The following CDH23 variants were observed in gnomAD, a reference collection of about 807,000 sequenced individuals.
The protein encoded by CDH23 is cadherin related 23.
A neutral mutation model predicts 317.1 loss-of-function variants in CDH23; 189 were observed. The ratio of observed to expected loss-of-function variants is 0.60; its 90% CI spans 0.53 to 0.67. CDH23 has a LOEUF of 0.67. CDH23 is among the 30% of genes least tolerant of loss of function. CDH23 has a pLI of 0.00. For missense variants in CDH23, 4,401 were observed against 4,592.4 expected, an observed-to-expected ratio of 0.96 and a Z score of 1.20; for synonymous variants, 1,839 against 1,876.8, an observed-to-expected ratio of 0.98 and a Z score of 0.52.
In CDH23 at chr10:71,490,781, A is replaced by G. The variant is rs555724259; in HGVS notation, c.146-19301A>G. Among the ~76,000 whole-genome samples, 232 of 152,350 alleles carry G rather than the reference A, an allele frequency of 1.5e-3. 1 individual carries two copies. The highest frequency in any genetic ancestry group is 5.5e-3 in the African/African-American group (228 of 41,582). On this transcript the variant is annotated intron_variant, in intron 3 of 69. Transcript: ENST00000224721. The stretch of plus-strand genomic sequence containing the variant: ...TTTACATGTATTAATTCTCACAACA[A>G]GCTTGTGTAGTAGATACTGTTATTA...
chr10:71,727,780 G>A (rs577491424), intron 30 of CDH23, among the ~76,000 whole-genome samples: 1 of 152,286 alleles, frequency 6.6e-6, no homozygotes, highest in East Asian at 1.9e-4. Flanking sequence ...GCACAGCACT[G>A]GACAGGCACA....
intron 6 of CDH23, among the ~76,000 whole-genome samples, chr10:71,521,922 G>A (rs904955049): frequency 3.3e-5 from 5 of 152,116 alleles, no homozygotes; most frequent in Admixed American, 6.5e-5. Flanking sequence ...AGACAGGGGC[G>A]GTCGCCTGCC....
chr10:71,491,245 C>T (rs1852641648), intron 3 of CDH23, among the ~76,000 whole-genome samples: 1 of 152,206 alleles, frequency 6.6e-6, no homozygotes, highest in African/African-American at 2.4e-5. Flanking sequence ...ACTTTGATTA[C>T]TTTGCAGTGT....
chr10:71,414,637 TG>T (rs1848464063), intron 1 of CDH23, among the ~76,000 whole-genome samples: 1 of 77,858 alleles, frequency 1.3e-5, no homozygotes, highest in Non-Finnish European at 2.5e-5. Context: ...TTTTTTCATC[TG>T]TGTTCATGTG....
intron 14 of CDH23, among the ~76,000 whole-genome samples, chr10:71,649,855 C>A (rs34676190): frequency 0.22 from 33,413 of 152,188 alleles, 3,948 homozygotes; most frequent in Non-Finnish European, 0.27. Context: ...CGCTGTTATT[C>A]TCACTTTACA....
Position 71,570,837 on chromosome 10 carries a change from C to T in CDH23, c.672C>T (p.Ile224=). ...TGTCCACCCTGGCCAACTTGGCCATCATCATCACAGATGTCCAGGACATGG... is the reference window on the plus strand; with the variant it reads ...TGTCCACCCTGGCCAACTTGGCCATTATCATCACAGATGTCCAGGACATGG... The part of the protein sequence containing the change: ...RPLSTLANLA[I]IITDVQDMDP... Residue 224 remains isoleucine, a synonymous_variant, in exon 8 of 70, where the codon ATC becomes ATT. Coordinates refer to ENST00000224721, the MANE Select transcript of CDH23 (RefSeq NM_022124.6). 6.2e-7 allele frequency: 1 copy of T among 1,614,028 alleles called. No individual in the cohort carries two copies. Among genetic ancestry groups the T allele is most frequent in the Non-Finnish European group, 8.5e-7 (1 of 1,179,878 alleles).
At chr10:71,701,964 C>T in intron 22 of CDH23, 58 bp from the exon 23 acceptor site, 2 of 1,577,158 alleles carry the variant, frequency 1.3e-6, no homozygotes, top group Non-Finnish European at 1.7e-6. Context: ...TCCCGGCCAG[C>T]CCAGAGACAC....
intron 3 of CDH23, among the ~76,000 whole-genome samples, chr10:71,498,910 G>C (rs562987662): frequency 1.5e-4 from 23 of 152,310 alleles, no homozygotes; most frequent in Non-Finnish European, 2.2e-4. Context: ...TAAAAAATGT[G>C]TGTGTGAAGG....
rs575437321 is a variant in CDH23 at position 71,483,720 on chromosome 10, G to T, written c.146-26362G>T. Among the ~76,000 whole-genome samples, 79 of 152,312 alleles carry T rather than the reference G, an allele frequency of 5.2e-4. 1 individual carries two copies. In the South Asian group the frequency reaches 0.015, roughly 29 times the overall value. ...TTTAATCCTCCTAGTGGCCTGTGTGGTGGATGCAATCCTACACCCATTTTT... is the reference window on the plus strand; with the variant it reads ...TTTAATCCTCCTAGTGGCCTGTGTGTTGGATGCAATCCTACACCCATTTTT... On this transcript the variant is annotated intron_variant, in intron 3 of 69. Transcript: ENST00000224721.
chr10:71,590,477 T>C (rs1477082668), intron 9 of CDH23, among the ~76,000 whole-genome samples: 2 of 152,170 alleles, frequency 1.3e-5, no homozygotes, highest in Non-Finnish European at 2.9e-5. Flanking sequence ...CCGCCCTCAC[T>C]TGTAGGATCA....
In CDH23 at chr10:71,511,101, C is replaced by G. The variant is rs909066826; in HGVS notation, c.337-19C>G. ...CAGAGTCAGGTGGCGGCGCTAATTG[C>G]CCGCCTTTCTCTTGCCAGGTGATCA... On this transcript the variant is annotated intron_variant, in intron 5 of 69. Coordinates refer to ENST00000224721, the MANE Select transcript of CDH23 (RefSeq NM_022124.6). The G allele has an allele frequency of 1.2e-6, 2 of 1,612,500 alleles. No individual in the cohort carries two copies. The highest frequency in any genetic ancestry group is 1.7e-6 in the Non-Finnish European group (2 of 1,178,564).
Position 71,728,527 on chromosome 10 carries a change from A to G in CDH23, c.3580-1942A>G, listed in dbSNP as rs368362214. On this transcript the variant is annotated intron_variant, in intron 30 of 69. Transcript: ENST00000224721. The stretch of plus-strand genomic sequence containing the variant: ...CCAGCTGATTCCCAGCTAATCCCCA[A>G]AGAGAAAGCAGGGCTGATCCCAGAG... Among the ~76,000 whole-genome samples the G allele has an allele frequency of 2.6e-5, 4 of 152,080 alleles. No individual in the cohort carries two copies. The East Asian group carries it at 7.7e-4, about 29-fold the overall frequency.
At chr10:71,635,863 C>T (rs1862244527) in intron 11 of CDH23, among the ~76,000 whole-genome samples, 1 of 152,034 alleles carries the variant, frequency 6.6e-6, no homozygotes, top group Non-Finnish European at 1.5e-5. Flanking sequence ...AGTGCAAGAT[C>T]AAGGGCCCAG....
chr10:71,707,094 C>G, intron 26 of CDH23, 45 bp downstream of exon 26: 1 of 1,573,602 alleles, frequency 6.4e-7, no homozygotes, highest in Non-Finnish European at 8.6e-7. Flanking sequence ...TCCTGGGGCC[C>G]TGCCTCCACC....
At chr10:71,582,818 G>A (rs900037685) in intron 9 of CDH23, among the ~76,000 whole-genome samples, 2 of 152,182 alleles carry the variant, frequency 1.3e-5, no homozygotes, top group African/African-American at 4.8e-5. Context: ...TGGAGACCAG[G>A]GCACCATCTT....
At chr10:71,441,254 C>T (rs999193604) in intron 2 of CDH23, among the ~76,000 whole-genome samples, 1 of 152,276 alleles carries the variant, frequency 6.6e-6, no homozygotes, top group Admixed American at 6.5e-5. Flanking sequence ...CCCGCTCCCC[C>T]CCTGCCTCAT....
At chr10:71,468,655 C>T (rs1421507216) in intron 3 of CDH23, among the ~76,000 whole-genome samples, 2 of 152,240 alleles carry the variant, frequency 1.3e-5, no homozygotes, top group Non-Finnish European at 2.9e-5. Flanking sequence ...CCTGATCTGT[C>T]ACTGGAAATG....
chr10:71,783,943 T>G (rs1841025773), intron 41 of CDH23, among the ~76,000 whole-genome samples: 1 of 152,210 alleles, frequency 6.6e-6, no homozygotes, highest in South Asian at 2.1e-4. Context: ...CAGTGGGTGC[T>G]AGTGTAGCAA....
At chr10:71,460,157 C>G (rs1376053774) in intron 3 of CDH23, among the ~76,000 whole-genome samples, 1 of 152,260 alleles carries the variant, frequency 6.6e-6, no homozygotes, top group East Asian at 1.9e-4. Context: ...GTCTCTCTCT[C>G]TCTCCATAAC....
Sources: gnomAD v4.1 joint callset for allele counts (sites outside exome capture counted in the v4.1 genomes callset) on GRCh38, gnomAD v4.1.1 for gene constraint, MANE v1.5 for transcripts, NCBI Gene and HGNC (gene_info 2026-07-23, HGNC 2026-07-21) for gene names.